CDC27: variants seen among roughly 807,000 people sequenced by gnomAD.
CDC27 encodes cell division cycle 27, also known as cell division cycle protein 27 homolog.
A neutral mutation model predicts 109.7 loss-of-function variants in CDC27; 27 were observed. That is an observed-to-expected ratio of 0.25 (90% confidence interval 0.18 to 0.34). The LOEUF (loss-of-function observed/expected upper bound fraction) is 0.34, where lower values mean the gene tolerates loss of function less well. CDC27 is among the 10% of genes least tolerant of loss of function. The probability of loss-of-function intolerance (pLI) is 1.00; values close to 1 mark genes in which losing one functional copy is unlikely to be tolerated. For missense variants in CDC27, 579 were observed against 960.2 expected (o/e 0.60, Z 5.25); for synonymous variants, 266 against 333.9 (o/e 0.80, Z 2.22).
At chr17:47,122,623 C>A in intron 17 of CDC27, 23 bp from the exon 18 acceptor site, 1 of 1,531,060 alleles carries the variant, frequency 6.5e-7, no homozygotes, top group Admixed American at 2.0e-5. Flanking sequence ...AGCAGCACTA[C>A]ATTTTTCATT....
intron 8 of CDC27, among the ~76,000 whole-genome samples, chr17:47,152,945 T>C (rs221596): frequency 0.61 from 92,313 of 152,008 alleles, 28,519 homozygotes; most frequent in Admixed American, 0.69. Flanking sequence ...ATTTTAATAG[T>C]TTCAATTATT....
intron 14 of CDC27, among the ~76,000 whole-genome samples, chr17:47,135,579 G>A (rs976328703): frequency 2.0e-5 from 3 of 152,166 alleles, no homozygotes; most frequent in Non-Finnish European, 4.4e-5. Context: ...GATAGTGAAA[G>A]TGAAAACAAA....
intron 4 of CDC27, among the ~76,000 whole-genome samples, chr17:47,162,447 G>A (rs531117424): frequency 1.1e-4 from 16 of 152,260 alleles, no homozygotes; most frequent in African/African-American, 3.6e-4. Context: ...TGAGAATGGA[G>A]AATTAGTCTT....
At chr17:47,126,017 A>G (rs991206821) in intron 16 of CDC27, among the ~76,000 whole-genome samples, 2 of 152,230 alleles carry the variant, frequency 1.3e-5, no homozygotes, top group Admixed American at 1.3e-4. Flanking sequence ...ACAAGGACTC[A>G]TTGAGAAATA....
intron 4 of CDC27, among the ~76,000 whole-genome samples, chr17:47,160,304 T>G (rs1255708682): frequency 6.7e-6 from 1 of 149,838 alleles, no homozygotes; most frequent in Admixed American, 6.7e-5. Flanking sequence ...CTCGGCTCAC[T>G]GCAACCTCCA....
chr17:47,179,171 G>A (rs2064131296), intron 2 of CDC27, among the ~76,000 whole-genome samples: 1 of 152,198 alleles, frequency 6.6e-6, no homozygotes, highest in South Asian at 2.1e-4. Flanking sequence ...TAGTGAAACT[G>A]AGAAATTATT....
intron 9 of CDC27, among the ~76,000 whole-genome samples, chr17:47,147,424 CAAACAAAA>C (rs1404411869): frequency 1.0e-5 from 1 of 96,728 alleles, no homozygotes; most frequent in African/African-American, 3.6e-5. Context: ...AACAAACAAA[CAAACAAAA>C]AAAAAAACAC....
intron 2 of CDC27, 42 bp from the exon 3 acceptor site, chr17:47,172,106 T>G (rs770264389): frequency 1.5e-6 from 2 of 1,356,956 alleles, no homozygotes; most frequent in African/African-American, 3.0e-5. Context: ...GTTCAGTATA[T>G]TGAATGATAA....
At chr17:47,167,686 A>T (rs1314671648) in intron 4 of CDC27, among the ~76,000 whole-genome samples, 1 of 152,144 alleles carries the variant, frequency 6.6e-6, no homozygotes, top group Non-Finnish European at 1.5e-5. Context: ...AATACAGAAG[A>T]CTTCTGTGAC....
chr17:47,162,902 C>T (rs1378948876), intron 4 of CDC27, among the ~76,000 whole-genome samples: 3 of 151,972 alleles, frequency 2.0e-5, no homozygotes, highest in African/African-American at 4.8e-5. Context: ...ATGTATAAAT[C>T]ACATAAGAGC....
intron 2 of CDC27, among the ~76,000 whole-genome samples, chr17:47,175,013 A>G (rs858682): frequency 2.1e-4 from 31 of 147,574 alleles, no homozygotes; most frequent in African/African-American, 6.9e-4. Flanking sequence ...GAGAGAGAGA[A>G]AGAAAGAAAG....
chr17:47,135,220 T>A (rs1307709613), intron 14 of CDC27, among the ~76,000 whole-genome samples: 1 of 152,188 alleles, frequency 6.6e-6, no homozygotes, highest in African/African-American at 2.4e-5. Flanking sequence ...CATGTTTGGC[T>A]TCCTTGTCCC....
intron 16 of CDC27, among the ~76,000 whole-genome samples, chr17:47,125,663 C>A (rs950223488): frequency 1.3e-5 from 2 of 151,866 alleles, no homozygotes; most frequent in Non-Finnish European, 1.5e-5. Flanking sequence ...CCTGCTTCAG[C>A]CTCCCAAGTA....
At chr17:47,177,159 C>T (rs1052828755) in intron 2 of CDC27, among the ~76,000 whole-genome samples, 3 of 152,066 alleles carry the variant, frequency 2.0e-5, no homozygotes, top group Non-Finnish European at 4.4e-5. Context: ...TCAAGTAGGG[C>T]GCAGCAGCAC....
chr17:47,170,664 T>C (rs956676066), intron 3 of CDC27, among the ~76,000 whole-genome samples: 21 of 152,170 alleles, frequency 1.4e-4, no homozygotes, highest in African/African-American at 5.1e-4. Context: ...TCATTACTCA[T>C]GTCAGAAGGA....
At chr17:47,168,319 G>A (rs934956346) in intron 4 of CDC27, among the ~76,000 whole-genome samples, 3 of 152,088 alleles carry the variant, frequency 2.0e-5, no homozygotes, top group African/African-American at 7.2e-5. Context: ...GCTACCTAGG[G>A]GATGCCAGCT....
Position 47,189,090 on chromosome 17 carries a change from T to G in CDC27, c.27+56A>C, listed in dbSNP as rs543157898. The G allele has an allele frequency of 3.5e-5, 55 of 1,589,682 alleles. No homozygotes were observed. In the African/African-American group the frequency reaches 6.3e-4, roughly 18 times the overall value. ...ACCAGGCCGCGGAGTGGCCCTACGCTGCTGCTTCCCGACCGAGGCTGCCAG... is the reference window on the plus strand; with the variant it reads ...ACCAGGCCGCGGAGTGGCCCTACGCGGCTGCTTCCCGACCGAGGCTGCCAG... On this transcript the variant is annotated intron_variant, in intron 1 of 18. Transcript: ENST00000066544.
intron 2 of CDC27, among the ~76,000 whole-genome samples, chr17:47,174,939 G>C (rs2063937110): frequency 2.0e-5 from 3 of 151,232 alleles, no homozygotes; most frequent in African/African-American, 7.3e-5. Context: ...CTGGGCAACA[G>C]CGAAACTCGG....
At position 47,189,295 on chromosome 17, in the gene CDC27, C is replaced by T; in HGVS notation, c.-123G>A. 1.3e-6 allele frequency: 1 copy of T among 778,456 alleles called. No homozygotes were observed. 48.2% of individuals were successfully genotyped at this position (778,456 alleles called of 1,614,324 possible). A position where few individuals can be genotyped will look rare whatever the true frequency, so the allele number is the denominator to read the frequency against. ...TTACCGGGGGATGGGGGAGGCCGAG[C>T]GATTGCCGAGTGCTTCCGAGCGGGA... On this transcript the variant is annotated 5_prime_UTR_variant, in exon 1 of 19. Transcript: ENST00000066544.
Sources: allele counts gnomAD v4.1 joint callset (sites outside exome capture counted in the v4.1 genomes callset), GRCh38; gene constraint gnomAD v4.1.1; transcripts MANE v1.5; gene names NCBI Gene and HGNC (gene_info 2026-07-23, HGNC 2026-07-21).